EPB41L2: variants seen among roughly 807,000 people sequenced by gnomAD.
EPB41L2 encodes erythrocyte membrane protein band 4.1 like 2, also known as band 4.1-like protein 2.
A neutral mutation model predicts 113.0 loss-of-function variants in EPB41L2; 43 were observed. The observed-to-expected ratio is 0.38, with a 90% CI of 0.30 to 0.49. The LOEUF (loss-of-function observed/expected upper bound fraction) is 0.49, where lower values mean the gene tolerates loss of function less well. Ranked by LOEUF, EPB41L2 falls within the 20% of genes least tolerant of loss-of-function variation. EPB41L2 has a pLI of 0.95. For missense variants in EPB41L2, 1,147 were observed against 1,223.4 expected (o/e 0.94, Z 0.93); for synonymous variants, 442 against 436.7 (o/e 1.01, Z -0.15).
intron 1 of EPB41L2, among the ~76,000 whole-genome samples, chr6:131,025,000 A>G (rs1216426118): frequency 6.6e-6 from 1 of 152,076 alleles, no homozygotes; most frequent in African/African-American, 2.4e-5. Flanking sequence ...AACTCAGTTC[A>G]GCCCACCATC....
chr6:130,957,621 C>G (rs1331269033), intron 1 of EPB41L2, among the ~76,000 whole-genome samples: 1 of 135,866 alleles, frequency 7.4e-6, no homozygotes, highest in Non-Finnish European at 1.5e-5. Flanking sequence ...AGAGTGAGAC[C>G]CCATCTCTTA....
At chr6:131,050,559 A>C (rs1218813318) in intron 1 of EPB41L2, among the ~76,000 whole-genome samples, 1 of 152,182 alleles carries the variant, frequency 6.6e-6, no homozygotes, top group Non-Finnish European at 1.5e-5. Flanking sequence ...CTACTGACTC[A>C]CTACAATATT....
At chr6:130,929,796 G>T (rs1806081641) in intron 3 of EPB41L2, among the ~76,000 whole-genome samples, 1 of 151,128 alleles carries the variant, frequency 6.6e-6, no homozygotes, top group Non-Finnish European at 1.5e-5. Context: ...TTGCTCTGGG[G>T]ATGAGGAATA....
chr6:130,988,593 T>C (rs1033957175), intron 1 of EPB41L2, among the ~76,000 whole-genome samples: 11 of 152,108 alleles, frequency 7.2e-5, no homozygotes, highest in Admixed American at 7.2e-4. Flanking sequence ...GCTGTAAATA[T>C]GTAAAAGTCT....
intron 19 of EPB41L2, among the ~76,000 whole-genome samples, chr6:130,850,561 G>T (rs1193203317): frequency 6.6e-6 from 1 of 152,168 alleles, no homozygotes; most frequent in Non-Finnish European, 1.5e-5. Flanking sequence ...GTGTGTGTAT[G>T]TGAGTGTCTA....
intron 19 of EPB41L2, among the ~76,000 whole-genome samples, chr6:130,842,539 T>TA (rs1301863908): frequency 6.6e-6 from 1 of 151,992 alleles, no homozygotes; most frequent in East Asian, 1.9e-4. Flanking sequence ...TTTATGTTAT[T>TA]AAAAAAACAA....
intron 3 of EPB41L2, among the ~76,000 whole-genome samples, chr6:130,935,635 T>C (rs1046127700): frequency 6.6e-6 from 1 of 152,226 alleles, no homozygotes; most frequent in Admixed American, 6.5e-5. Context: ...CCCCTTTTTT[T>C]AAAAAGAAAA....
intron 1 of EPB41L2, among the ~76,000 whole-genome samples, chr6:130,976,669 A>C (rs1295221546): frequency 6.6e-6 from 1 of 152,254 alleles, no homozygotes; most frequent in Non-Finnish European, 1.5e-5. Context: ...GCATCTAAAA[A>C]GTATTAGGAT....
chr6:131,019,181 C>T (rs1238264939), intron 1 of EPB41L2, among the ~76,000 whole-genome samples: 1 of 152,168 alleles, frequency 6.6e-6, no homozygotes, highest in Non-Finnish European at 1.5e-5. Flanking sequence ...CCTTCTTTCA[C>T]ATCCTTCAAT....
chr6:130,965,773 T>C (rs1264454433), intron 1 of EPB41L2, among the ~76,000 whole-genome samples: 1 of 152,166 alleles, frequency 6.6e-6, no homozygotes, highest in Non-Finnish European at 1.5e-5. Context: ...AGTTTAATCA[T>C]GCACTCATTG....
intron 1 of EPB41L2, among the ~76,000 whole-genome samples, chr6:131,051,867 C>T (rs1366136861): frequency 3.3e-5 from 5 of 152,068 alleles, no homozygotes; most frequent in Admixed American, 6.6e-5. Context: ...CTGCCATTTA[C>T]ACTTTTTTGG....
intron 11 of EPB41L2, among the ~76,000 whole-genome samples, chr6:130,887,819 A>C (rs528514056): frequency 4.6e-5 from 7 of 152,270 alleles, no homozygotes; most frequent in Admixed American, 6.5e-5. Flanking sequence ...CACCTTCAGG[A>C]AATCACTTGG....
intron 8 of EPB41L2, among the ~76,000 whole-genome samples, chr6:130,897,695 C>T (rs1795074286): frequency 6.6e-6 from 1 of 152,114 alleles, no homozygotes; most frequent in Non-Finnish European, 1.5e-5. Context: ...TCTTGGCTAA[C>T]CTAGCCTGTC....
chr6:130,868,690 G>A (rs1784678619), intron 15 of EPB41L2: 1 of 152,104 alleles, frequency 6.6e-6, no homozygotes, highest in African/African-American at 2.4e-5. Context: ...TCTGTACTGT[G>A]GGCATTTAAT....
At chr6:131,007,936 G>A (rs1785973282) in intron 1 of EPB41L2, among the ~76,000 whole-genome samples, 1 of 152,228 alleles carries the variant, frequency 6.6e-6, no homozygotes, top group Non-Finnish European at 1.5e-5. Context: ...GGGAAGCAGA[G>A]CATTAAAGTT....
chr6:131,057,642 T>G (rs1797847468), intron 1 of EPB41L2, among the ~76,000 whole-genome samples: 1 of 152,076 alleles, frequency 6.6e-6, no homozygotes, highest in African/African-American at 2.4e-5. Context: ...GACTTCAGAG[T>G]TGGTAATCAG....
chr6:130,932,861 G>C (rs1210145404), intron 3 of EPB41L2, among the ~76,000 whole-genome samples: 1 of 152,230 alleles, frequency 6.6e-6, no homozygotes, highest in East Asian at 1.9e-4. Context: ...GTTGAGTCTA[G>C]AATTCAGGCC....
intron 1 of EPB41L2, among the ~76,000 whole-genome samples, chr6:131,053,434 T>TAAAAAAA (rs71030727): frequency 2.9e-4 from 26 of 88,866 alleles, no homozygotes; most frequent in East Asian, 8.3e-4. Context: ...ATGGAAATGA[T>TAAAAAAA]AAAAAAAAAA....
intron 4 of EPB41L2, among the ~76,000 whole-genome samples, chr6:130,922,946 A>C (rs1286427816): frequency 6.6e-6 from 1 of 152,174 alleles, no homozygotes; most frequent in African/African-American, 2.4e-5. Flanking sequence ...GACACCTCCA[A>C]AACTAAATTC....
Sources: allele counts gnomAD v4.1 joint callset (sites outside exome capture counted in the v4.1 genomes callset), GRCh38; gene constraint gnomAD v4.1.1; transcripts MANE v1.5; gene names NCBI Gene and HGNC (gene_info 2026-07-23, HGNC 2026-07-21).